Variants in NCKAP1 observed in about 807,000 individuals in gnomAD.
NCKAP1 encodes the protein nck-associated protein 1.
NCKAP1 carries 21 observed loss-of-function variants against 151.2 expected under a neutral mutation model. The observed-to-expected ratio is 0.14, with a 90% confidence interval of 0.10 to 0.20. The LOEUF (loss-of-function observed/expected upper bound fraction) is 0.20, where lower values mean the gene tolerates loss of function less well. Among genes scored for constraint, NCKAP1 ranks in the 10% least tolerant of loss-of-function variants. The pLI, the probability that NCKAP1 is intolerant of heterozygous loss-of-function variation, is 1.00. For synonymous variants in NCKAP1, 484 were observed against 451.8 expected, an observed-to-expected ratio of 1.07 and a Z score of -0.90; for missense variants, 933 against 1,352.1, an observed-to-expected ratio of 0.69 and a Z score of 4.86.
chr2:182,967,294 T>C lies in NCKAP1; in HGVS notation c.1550A>G (p.Asn517Ser), dbSNP rs1250178441. ...CATTTTTGTATGAAAAATTATTGTA[T>C]TCATCATCTTTCCAAGTTCTCTGTG... ...ADHRELGKMM[N>S]TIIFHTKMVD... The change falls in exon 16 of 31, where the codon AAT (asparagine) becomes AGT (serine). Residue 517 changes from asparagine to serine, a missense_variant. Asn to Ser is a conservative substitution (Grantham distance 46). This residue lies in a region of NCKAP1 where 607 missense variants were observed against 795.0 expected (regional missense o/e 0.76). Coordinates refer to ENST00000361354, the MANE Select transcript of NCKAP1 (RefSeq NM_013436.5). The C allele has an allele frequency of 6.2e-7, 1 of 1,612,000 alleles. No homozygotes were observed. The highest frequency in any genetic ancestry group is 1.1e-5 in the South Asian group (1 of 90,722).
chr2:182,948,458 C>G (rs1414442238), intron 23 of NCKAP1, among the ~76,000 whole-genome samples: 1 of 152,132 alleles, frequency 6.6e-6, no homozygotes, highest in Middle Eastern at 3.2e-3. Flanking sequence ...AATACAGCCA[C>G]TCCAAAATAT....
At chr2:182,964,460 A>C (rs995116894) in intron 17 of NCKAP1, among the ~76,000 whole-genome samples, 2 of 152,204 alleles carry the variant, frequency 1.3e-5, no homozygotes, top group East Asian at 3.9e-4. Context: ...GGTAATTCCA[A>C]GTGACTTTAT....
At chr2:183,018,780 A>G (rs1356591803) in intron 2 of NCKAP1, among the ~76,000 whole-genome samples, 3 of 152,262 alleles carry the variant, frequency 2.0e-5, no homozygotes, top group Non-Finnish European at 4.4e-5. Flanking sequence ...GAGTGTATCA[A>G]ATAGTTCCAT....
chr2:182,952,553 A>G, intron 22 of NCKAP1, 51 bp from the exon 23 acceptor site: 1 of 1,362,176 alleles, frequency 7.3e-7, no homozygotes, highest in Non-Finnish European at 1.0e-6. Context: ...AAATACTTTA[A>G]GAAAATGAAC....
Position 182,959,399 on chromosome 2 carries a change from G to A in NCKAP1, c.1882-1803C>T, listed in dbSNP as rs185536978. Among the ~76,000 whole-genome samples, 346 of 152,156 alleles carry A rather than the reference G, an allele frequency of 2.3e-3. 1 individual carries two copies. The highest frequency in any genetic ancestry group is 4.3e-3 in the Non-Finnish European group (294 of 68,000). ...ATGACTATAAGGACTCCCACAAGCC[G>A]GGCTTCATCCCTGGGATGCAAGGCT... On this transcript the variant is annotated intron_variant, in intron 18 of 30. Transcript: ENST00000361354.
chr2:182,993,287 C>T (rs548045012), intron 8 of NCKAP1, among the ~76,000 whole-genome samples: 33 of 152,248 alleles, frequency 2.2e-4, no homozygotes, highest in African/African-American at 7.9e-4. Context: ...CTTTTTGGAC[C>T]TTTGTGAAAT....
intron 8 of NCKAP1, among the ~76,000 whole-genome samples, chr2:182,992,445 TAAAATA>T (rs1289687207): frequency 6.6e-6 from 1 of 152,192 alleles, no homozygotes; most frequent in Non-Finnish European, 1.5e-5. Context: ...CATTCCCGTT[TAAAATA>T]AAGACCAGTG....
chr2:183,035,064 T>C (rs888367782), intron 1 of NCKAP1, among the ~76,000 whole-genome samples: 1 of 151,958 alleles, frequency 6.6e-6, no homozygotes, highest in Non-Finnish European at 1.5e-5. Flanking sequence ...CATGAGTGAG[T>C]CACATTATTA....
intron 8 of NCKAP1, among the ~76,000 whole-genome samples, chr2:182,990,738 A>C (rs1698150276): frequency 6.6e-6 from 1 of 152,090 alleles, no homozygotes; most frequent in South Asian, 2.1e-4. Context: ...CTCCTATTAT[A>C]GCTGTGCAAC....
intron 6 of NCKAP1, among the ~76,000 whole-genome samples, chr2:183,001,042 G>A (rs1698364510): frequency 6.6e-6 from 1 of 152,222 alleles, no homozygotes; most frequent in Admixed American, 6.5e-5. Context: ...CCAGTGAGCT[G>A]AGATTGCACC....
chr2:182,976,203 T>G (rs1398265248), intron 15 of NCKAP1, among the ~76,000 whole-genome samples: 1 of 152,204 alleles, frequency 6.6e-6, no homozygotes, highest in Non-Finnish European at 1.5e-5. Context: ...GGCAACTAAT[T>G]TTTATCATTA....
chr2:182,986,355 T>G lies in NCKAP1; in HGVS notation c.948-128A>C, dbSNP rs532586587. 13 of 721,856 alleles carry G rather than the reference T, an allele frequency of 1.8e-5. No individual in the cohort carries two copies. The East Asian group carries it at 3.3e-4, about 19-fold the overall frequency. 44.7% of individuals were successfully genotyped at this position (721,856 alleles called of 1,614,324 possible). ...CAGAAACTGGCCATCAAACTGGAAG[T>G]GCATGGAAGAATCTACCCACACTTT... On this transcript the variant is annotated intron_variant, in intron 9 of 30. Transcript: ENST00000361354.
At chr2:182,928,944 A>T (rs781534596) in intron 27 of NCKAP1, 45 bp from the exon 28 acceptor site, 1 of 1,251,242 alleles carries the variant, frequency 8.0e-7, no homozygotes, top group Non-Finnish European at 1.1e-6. Flanking sequence ...TTTCTTCAAG[A>T]TTAGTTAAGA....
At chr2:182,981,742 C>G (rs146620581) in intron 12 of NCKAP1, among the ~76,000 whole-genome samples, 1 of 151,464 alleles carries the variant, frequency 6.6e-6, no homozygotes. Flanking sequence ...AATCCCATCT[C>G]TACTAAAAAT....
chr2:183,018,932 G>A (rs907657281), intron 2 of NCKAP1, among the ~76,000 whole-genome samples: 8 of 152,110 alleles, frequency 5.3e-5, no homozygotes, highest in African/African-American at 1.9e-4. Flanking sequence ...TTCCTAGAGT[G>A]ACTTTATAAG....
chr2:182,930,793 T>C lies in NCKAP1; in HGVS notation c.2860-5A>G, dbSNP rs750399610. 2.3e-5 allele frequency: 37 copies of C among 1,609,144 alleles called. No homozygotes were observed. Among genetic ancestry groups the C allele is most frequent in the Non-Finnish European group, 3.1e-5 (36 of 1,176,216 alleles). ...CTCATACACATTCATTGCAACCTGA[T>C]AAAAACAAAAGAATTACAGAGCAAT... On this transcript the variant is annotated splice_region_variant and splice_polypyrimidine_tract_variant and intron_variant, in intron 26 of 30. Transcript: ENST00000361354.
intron 2 of NCKAP1, among the ~76,000 whole-genome samples, chr2:183,018,700 T>C (rs191329603): frequency 6.6e-6 from 1 of 152,288 alleles, no homozygotes; most frequent in East Asian, 1.9e-4. Context: ...TTTTAAAAAG[T>C]GTGGATAAGT....
intron 8 of NCKAP1, 82 bp from the exon 9 acceptor site, chr2:182,989,268 C>A: frequency 8.9e-7 from 1 of 1,125,558 alleles, no homozygotes; most frequent in African/African-American, 1.6e-5. Flanking sequence ...TTGAAAAATA[C>A]AGAAACGTAA....
intron 14 of NCKAP1, 57 bp from the exon 15 acceptor site, chr2:182,977,008 A>G: frequency 8.2e-7 from 1 of 1,221,956 alleles, no homozygotes; most frequent in East Asian, 2.6e-5. Context: ...TTCACAATCT[A>G]TAAGCACATT....
Sources: gnomAD v4.1 joint callset for allele counts (sites outside exome capture counted in the v4.1 genomes callset) on GRCh38, gnomAD v4.1.1 for gene constraint, gnomAD v4.1.1 regional missense constraint, MANE v1.5 for transcripts, NCBI Gene and HGNC (gene_info 2026-07-23, HGNC 2026-07-21) for gene names.